SGPP2: variants seen among roughly 807,000 people sequenced by gnomAD.
SGPP2 encodes the protein sphingosine 1-phosphate phosphohydrolase 2.
A neutral mutation model predicts 33.9 loss-of-function variants in SGPP2; 30 were observed. The observed-to-expected ratio is 0.89, with a 90% CI of 0.66 to 1.20. The LOEUF (loss-of-function observed/expected upper bound fraction) is 1.20. Among genes scored for constraint, SGPP2 ranks in the 50% most tolerant of loss-of-function variants. SGPP2 has a pLI of 0.00. For missense variants in SGPP2, 458 were observed against 532.1 expected (o/e 0.86, Z 1.37); for synonymous variants, 233 against 225.0 (o/e 1.04, Z -0.32).
intron 4 of SGPP2, among the ~76,000 whole-genome samples, chr2:222,528,449 A>G (rs1698792579): frequency 6.6e-6 from 1 of 152,188 alleles, no homozygotes; most frequent in South Asian, 2.1e-4. Flanking sequence ...AAAGCAATGT[A>G]CATATAATAT....
intron 1 of SGPP2, among the ~76,000 whole-genome samples, chr2:222,446,636 T>C (rs1208594331): frequency 6.6e-6 from 1 of 152,264 alleles, no homozygotes; most frequent in Non-Finnish European, 1.5e-5. Context: ...TCATTGGCTG[T>C]TCATTATTCA....
rs781741060 is a variant in SGPP2, at chr2:222,558,766, G to T, written c.1068G>T (p.Val356=). The change falls in exon 5 of 5, where the codon GTG becomes GTT. Residue 356 remains valine, a synonymous_variant. Coordinates refer to ENST00000321276, the MANE Select transcript of SGPP2 (RefSeq NM_152386.4). ...SLQVLYSWFK[V]VTRNKEARRR... ...AAGTATTATACTCATGGTTCAAGGTGGTCACCAGGAACAAGGAGGCCAGGC... is the reference window on the plus strand; with the variant it reads ...AAGTATTATACTCATGGTTCAAGGTTGTCACCAGGAACAAGGAGGCCAGGC... 1 of 1,614,100 alleles carries T rather than the reference G, an allele frequency of 6.2e-7. No homozygotes were observed. The highest frequency in any genetic ancestry group is 1.7e-5 in the Admixed American group (1 of 60,018).
intron 4 of SGPP2, among the ~76,000 whole-genome samples, chr2:222,529,886 A>G (rs1698814670): frequency 6.6e-6 from 1 of 152,214 alleles, no homozygotes; most frequent in Non-Finnish European, 1.5e-5. Flanking sequence ...ATAGCCTTAC[A>G]AAATGTGTTT....
intron 1 of SGPP2, among the ~76,000 whole-genome samples, chr2:222,451,813 C>T (rs1336222990): frequency 6.6e-6 from 1 of 152,190 alleles, no homozygotes; most frequent in Non-Finnish European, 1.5e-5. Context: ...CATGGAAACT[C>T]ATGGCCTAGC....
rs575808656 is a variant in SGPP2 at position 222,531,440 on chromosome 2, T to C, written c.648+6407T>C. Among the ~76,000 whole-genome samples, 10 of 152,322 alleles carry C rather than the reference T, an allele frequency of 6.6e-5. No individual in the cohort carries two copies. The South Asian group carries it at 2.1e-3, about 32-fold the overall frequency. On this transcript the variant is annotated intron_variant, in intron 4 of 4. Transcript: ENST00000321276. ...GCCAGTCAGAAAAGGAAATCTTATA[T>C]GATTCCACTTACATCAGGTACCTAG... is the stretch of plus-strand genomic sequence containing the variant.
At chr2:222,479,463 C>T (rs1260097304) in intron 2 of SGPP2, among the ~76,000 whole-genome samples, 1 of 139,352 alleles carries the variant, frequency 7.2e-6, no homozygotes, top group South Asian at 2.2e-4. Flanking sequence ...AGTGCAGTGG[C>T]GCGATCTCGG....
intron 1 of SGPP2, among the ~76,000 whole-genome samples, chr2:222,462,598 A>C (rs780171006): frequency 1.3e-5 from 2 of 152,170 alleles, no homozygotes; most frequent in Non-Finnish European, 2.9e-5. Context: ...CAATGTAATA[A>C]TGCTTTAAAA....
At chr2:222,448,575 G>A (rs1184123171) in intron 1 of SGPP2, among the ~76,000 whole-genome samples, 1 of 152,212 alleles carries the variant, frequency 6.6e-6, no homozygotes, top group Non-Finnish European at 1.5e-5. Context: ...TGGGAGCACA[G>A]GAAATGCTTA....
In SGPP2 at chr2:222,477,325, G is replaced by A. The variant is rs1000588439; in HGVS notation, c.378+2599G>A. Among the ~76,000 whole-genome samples the A allele has an allele frequency of 2.0e-5, 3 of 146,844 alleles. No individual in the cohort carries two copies. The highest frequency in any genetic ancestry group is 4.5e-5 in the Non-Finnish European group (3 of 67,250). ...TGTATATAGGTGTGAGTATATATGT[G>A]TGTCTATGTGTGTGTGTATAGGTGT... On this transcript the variant is annotated intron_variant, in intron 2 of 4. Transcript: ENST00000321276. The surrounding 1 kb of genome is among the most constrained non-coding windows in gnomAD (Gnocchi z 6.0).
At chr2:222,439,882 T>C (rs1697298569) in intron 1 of SGPP2, among the ~76,000 whole-genome samples, 1 of 152,100 alleles carries the variant, frequency 6.6e-6, no homozygotes, top group African/African-American at 2.4e-5. Context: ...TGTGATAAAA[T>C]GGCTCTACAC....
chr2:222,503,261 C>T (rs878900624), intron 2 of SGPP2, among the ~76,000 whole-genome samples: 3 of 152,088 alleles, frequency 2.0e-5, no homozygotes, highest in African/African-American at 4.8e-5. Context: ...GAAAGTCCTT[C>T]GGTTGTAGCT....
At chr2:222,540,806 G>C (rs1698983034) in intron 4 of SGPP2, among the ~76,000 whole-genome samples, 1 of 145,154 alleles carries the variant, frequency 6.9e-6, no homozygotes, top group Non-Finnish European at 1.5e-5. Context: ...ATTTTGTTTA[G>C]CTTATAAACT....
chr2:222,430,381 G>A (rs1697135392), intron 1 of SGPP2, among the ~76,000 whole-genome samples: 1 of 152,206 alleles, frequency 6.6e-6, no homozygotes, highest in South Asian at 2.1e-4. Flanking sequence ...CTTAAAAATA[G>A]TTAAAATGGT....
At chr2:222,435,225 A>G (rs563303828) in intron 1 of SGPP2, among the ~76,000 whole-genome samples, 16 of 152,248 alleles carry the variant, frequency 1.1e-4, no homozygotes, top group Admixed American at 1.0e-3. Context: ...GAGAGCAAGA[A>G]GCATCTGGCA....
intron 1 of SGPP2, among the ~76,000 whole-genome samples, chr2:222,462,747 G>C (rs770006306): frequency 6.6e-6 from 1 of 152,036 alleles, no homozygotes; most frequent in Non-Finnish European, 1.5e-5. Context: ...TGGCAGTTTT[G>C]ATTTTATTTT....
At chr2:222,540,462 T>C (rs910079953) in intron 4 of SGPP2, among the ~76,000 whole-genome samples, 1 of 152,224 alleles carries the variant, frequency 6.6e-6, no homozygotes, top group African/African-American at 2.4e-5. Flanking sequence ...GAGAAAGCTA[T>C]TGCATAAGCA....
chr2:222,520,502 C>T (rs1024322044), intron 2 of SGPP2, among the ~76,000 whole-genome samples: 3 of 151,992 alleles, frequency 2.0e-5, no homozygotes, highest in South Asian at 2.1e-4. Flanking sequence ...AGGCCGAGGC[C>T]GGCAGATCTT....
chr2:222,471,166 CT>C (rs957715710), intron 1 of SGPP2, among the ~76,000 whole-genome samples: 2 of 152,286 alleles, frequency 1.3e-5, no homozygotes, highest in African/African-American at 4.8e-5. Flanking sequence ...GTACTTACCC[CT>C]GACCAGTAAC....
intron 1 of SGPP2, among the ~76,000 whole-genome samples, chr2:222,471,520 C>T (rs1300321435): frequency 1.3e-5 from 2 of 151,984 alleles, no homozygotes; most frequent in African/African-American, 4.8e-5. Context: ...TTGTGCTCTT[C>T]CCCCCTCTCC....
Sources: allele counts gnomAD v4.1 joint callset (sites outside exome capture counted in the v4.1 genomes callset), GRCh38; gene constraint gnomAD v4.1.1; non-coding constraint Gnocchi (gnomAD v3.1); transcripts MANE v1.5; gene names NCBI Gene and HGNC (gene_info 2026-07-23, HGNC 2026-07-21).